SIRT5: variants seen among roughly 807,000 people sequenced by gnomAD.
The protein encoded by SIRT5 is NAD-dependent protein deacylase sirtuin-5, mitochondrial.
A neutral mutation model predicts 40.0 loss-of-function variants in SIRT5; 26 were observed. The ratio of observed to expected loss-of-function variants is 0.65; its 90% CI spans 0.48 to 0.90. SIRT5 has a LOEUF of 0.90. Ranked by LOEUF, SIRT5 falls within the 40% of genes least tolerant of loss-of-function variation. SIRT5 has a pLI of 0.00. For synonymous variants in SIRT5, 146 were observed against 149.1 expected (o/e 0.98, Z 0.15); for missense variants, 401 against 402.4 (o/e 1.00, Z 0.03).
chr6:13,591,573 C>T, intron 4 of SIRT5, 96 bp from the exon 5 acceptor site: 1 of 1,044,862 alleles, frequency 9.6e-7, no homozygotes. Flanking sequence ...CCCGACGCTG[C>T]CTGTCTCTGC....
intron 3 of SIRT5, among the ~76,000 whole-genome samples, chr6:13,586,737 C>G (rs975321924): frequency 1.3e-5 from 2 of 152,066 alleles, no homozygotes; most frequent in African/African-American, 4.8e-5. Flanking sequence ...GGGTTGAGCC[C>G]TTATTGACAG....
intron 5 of SIRT5, among the ~76,000 whole-genome samples, chr6:13,594,749 G>T (rs1761361621): frequency 6.6e-6 from 1 of 152,246 alleles, no homozygotes; most frequent in African/African-American, 2.4e-5. Flanking sequence ...AGCAGCGCAT[G>T]TCCACTAGGG....
chr6:13,590,231 C>G (rs1584781225), intron 4 of SIRT5, among the ~76,000 whole-genome samples: 1 of 152,264 alleles, frequency 6.6e-6, no homozygotes, highest in South Asian at 2.1e-4. Context: ...ACACCCCCAC[C>G]TCCACTATCA....
chr6:13,583,209 TAAAAG>T (rs961845538), intron 2 of SIRT5, among the ~76,000 whole-genome samples: 1 of 148,750 alleles, frequency 6.7e-6, no homozygotes, highest in Non-Finnish European at 1.5e-5. Flanking sequence ...CTGTCTGAAA[TAAAAG>T]AAAGAAACTG....
intron 2 of SIRT5, among the ~76,000 whole-genome samples, chr6:13,580,326 T>C (rs999936497): frequency 5.3e-5 from 8 of 152,196 alleles, no homozygotes; most frequent in African/African-American, 1.9e-4. Flanking sequence ...GTTTATCATA[T>C]TACTCCTTAC....
chr6:13,582,995 C>T (rs889993555), intron 2 of SIRT5, among the ~76,000 whole-genome samples: 23 of 152,084 alleles, frequency 1.5e-4, no homozygotes, highest in Non-Finnish European at 3.1e-4. Context: ...GGCTTGAGCT[C>T]AGGAGATCAA....
chr6:13,605,066 A>G (rs2127720852), intron 9 of SIRT5: 1 of 986,292 alleles, frequency 1.0e-6, no homozygotes, highest in South Asian at 4.7e-5. Flanking sequence ...AAAGGCAGAA[A>G]CCAACCCTGG....
chr6:13,588,185 GA>G, intron 3 of SIRT5, 145 bp from the exon 4 acceptor site: 2 of 997,832 alleles, frequency 2.0e-6, no homozygotes, highest in Non-Finnish European at 2.9e-6. Context: ...GTCACATGGG[GA>G]TGGTGTTTTC....
At chr6:13,575,118 G>A (rs3799932) in intron 1 of SIRT5, among the ~76,000 whole-genome samples, 1 of 152,188 alleles carries the variant, frequency 6.6e-6, no homozygotes, top group South Asian at 2.1e-4. Context: ...CAGTGCTTCG[G>A]GGGGAGGCGG....
At chr6:13,606,117 T>C (rs1763069279) in intron 9 of SIRT5, among the ~76,000 whole-genome samples, 1 of 152,218 alleles carries the variant, frequency 6.6e-6, no homozygotes, top group African/African-American at 2.4e-5. Context: ...GAGCAGGTGC[T>C]AAGAGACTGC....
intron 4 of SIRT5, 74 bp from the exon 5 acceptor site, chr6:13,591,595 A>C: frequency 7.9e-7 from 1 of 1,261,438 alleles, no homozygotes; most frequent in Non-Finnish European, 1.1e-6. Context: ...TTAGGGAGGA[A>C]GGGCCTGTGC....
At chr6:13,582,017 C>T (rs952846133) in intron 2 of SIRT5, among the ~76,000 whole-genome samples, 1 of 152,204 alleles carries the variant, frequency 6.6e-6, no homozygotes, top group Non-Finnish European at 1.5e-5. Flanking sequence ...CCATGAACCT[C>T]TCCCCAACAT....
chr6:13,581,362 C>A (rs150677197), intron 2 of SIRT5, among the ~76,000 whole-genome samples: 5 of 152,264 alleles, frequency 3.3e-5, no homozygotes, highest in African/African-American at 1.2e-4. Context: ...GTGTAGAACG[C>A]CCCTCAGCTT....
rs1244969369 is a variant in SIRT5 at position 13,607,975 on chromosome 6, G to T, written c.858-3815G>T. On this transcript the variant is annotated intron_variant, in intron 9 of 9. Coordinates refer to ENST00000606117, the MANE Select transcript of SIRT5 (RefSeq NM_012241.5). This position sits in a 1 kb window ranked among gnomAD's most constrained non-coding sequence, Gnocchi z 4.0. ...GGTTTTCACCACATTGCCCAGGCTG[G>T]TCTCAAACTACTGACATCAGGCAAT... Among the ~76,000 whole-genome samples the T allele has an allele frequency of 6.6e-6, 1 of 152,076 alleles. No individual in the cohort carries two copies. Among genetic ancestry groups the T allele is most frequent in the Non-Finnish European group, 1.5e-5 (1 of 68,034 alleles).
chr6:13,583,905 T>A lies in SIRT5; in HGVS notation c.-35-171T>A, dbSNP rs962904261. On this transcript the variant is annotated intron_variant, in intron 2 of 9. Coordinates refer to ENST00000606117, the MANE Select transcript of SIRT5 (RefSeq NM_012241.5). ...AAAACAGCCAGTTCAGAGGATGATC[T>A]GTTACTAAAGATTTTTTAAAGGACA... Among the ~76,000 whole-genome samples, 3 of 152,222 alleles carry A rather than the reference T, an allele frequency of 2.0e-5. 1 individual carries two copies. Among genetic ancestry groups the A allele is most frequent in the Admixed American group, 2.0e-4 (3 of 15,272 alleles).
intron 1 of SIRT5, among the ~76,000 whole-genome samples, chr6:13,575,912 CCTT>C (rs1316327359): frequency 2.0e-5 from 3 of 152,202 alleles, no homozygotes; most frequent in African/African-American, 7.2e-5. Context: ...TGCTGTTTGT[CCTT>C]CTGTGCCTGG....
intron 1 of SIRT5, among the ~76,000 whole-genome samples, chr6:13,576,168 C>G (rs547486761): frequency 1.3e-5 from 2 of 152,148 alleles, no homozygotes; most frequent in Non-Finnish European, 2.9e-5. Flanking sequence ...TGTATATATA[C>G]CCAGAAGTAG....
intron 1 of SIRT5, among the ~76,000 whole-genome samples, chr6:13,578,698 C>G (rs1322427491): frequency 6.6e-6 from 1 of 150,840 alleles, no homozygotes; most frequent in African/African-American, 2.4e-5. Flanking sequence ...ATCAGTGAAG[C>G]CATCAGGTTC....
intron 3 of SIRT5, among the ~76,000 whole-genome samples, chr6:13,585,923 A>T (rs1284743764): frequency 3.3e-5 from 5 of 152,262 alleles, no homozygotes; most frequent in Admixed American, 3.3e-4. Flanking sequence ...TGACTTTTTA[A>T]TGATCGCCAT....
Sources: gnomAD v4.1 joint callset for allele counts (sites outside exome capture counted in the v4.1 genomes callset) on GRCh38, gnomAD v4.1.1 for gene constraint, Gnocchi (gnomAD v3.1) non-coding constraint, MANE v1.5 for transcripts, NCBI Gene and HGNC (gene_info 2026-07-23, HGNC 2026-07-21) for gene names.